The following PHF14 variants were observed in gnomAD, a reference collection of about 807,000 sequenced individuals.
PHF14 encodes the protein PHD finger protein 14.
PHF14 carries 55 observed loss-of-function variants against 117.9 expected under a neutral mutation model. The ratio of observed to expected loss-of-function variants is 0.47; its 90% CI spans 0.38 to 0.58. The LOEUF is 0.58. Ranked by LOEUF, PHF14 falls within the 20% of genes least tolerant of loss-of-function variation. The probability of loss-of-function intolerance (pLI) is 0.00; values close to 1 mark genes in which losing one functional copy is unlikely to be tolerated. For missense variants in PHF14, 978 were observed against 1,122.2 expected, an observed-to-expected ratio of 0.87 and a Z score of 1.84; for synonymous variants, 409 against 368.6, an observed-to-expected ratio of 1.11 and a Z score of -1.26.
chr7:11,052,263 T>C (rs562336861), intron 14 of PHF14, among the ~76,000 whole-genome samples: 2 of 152,366 alleles, frequency 1.3e-5, no homozygotes, highest in South Asian at 4.1e-4. Context: ...TAATTTGATA[T>C]TTTGACCAAA....
chr7:11,017,696 C>G (rs1244494419), intron 5 of PHF14, among the ~76,000 whole-genome samples: 1 of 152,154 alleles, frequency 6.6e-6, no homozygotes, highest in East Asian at 1.9e-4. Context: ...TTCTCCCATT[C>G]TGTGGGTTGT....
At chr7:11,128,688 GTCTC>G (rs201345870) in intron 17 of PHF14, among the ~76,000 whole-genome samples, 1 of 151,098 alleles carries the variant, frequency 6.6e-6, no homozygotes, top group African/African-American at 2.4e-5. Flanking sequence ...ATGTAAATCA[GTCTC>G]TCTCTCTCCC....
At chr7:11,048,562 A>C (rs993583395) in intron 13 of PHF14, among the ~76,000 whole-genome samples, 1 of 152,266 alleles carries the variant, frequency 6.6e-6, no homozygotes, top group Middle Eastern at 3.4e-3. Flanking sequence ...ATAGTGCAAG[A>C]CTCTGTCTGA....
At chr7:11,062,922 T>G (rs896634053) in intron 16 of PHF14, 72 of 981,388 alleles carry the variant, frequency 7.3e-5, no homozygotes, top group Non-Finnish European at 7.7e-5. Flanking sequence ...AAAAATTGTC[T>G]TCTGGTAAAG....
chr7:11,046,039 A>G (rs1419311642), intron 13 of PHF14, among the ~76,000 whole-genome samples: 3 of 152,184 alleles, frequency 2.0e-5, no homozygotes, highest in Non-Finnish European at 4.4e-5. Flanking sequence ...AGTAAAGAAT[A>G]TTATTAATAG....
At chr7:11,152,664 A>T (rs1788734207) in intron 17 of PHF14, among the ~76,000 whole-genome samples, 1 of 122,132 alleles carries the variant, frequency 8.2e-6, no homozygotes, top group Non-Finnish European at 1.7e-5. Flanking sequence ...AGAAAAACAG[A>T]AAATCTGCTG....
chr7:11,001,767 G>A (rs1389890839), intron 4 of PHF14, among the ~76,000 whole-genome samples: 1 of 152,000 alleles, frequency 6.6e-6, no homozygotes, highest in African/African-American at 2.4e-5. Context: ...GAAATTTTTG[G>A]CTACTCTTCC....
intron 16 of PHF14, among the ~76,000 whole-genome samples, chr7:11,075,141 G>A (rs1785783653): frequency 1.3e-5 from 2 of 151,902 alleles, no homozygotes; most frequent in Non-Finnish European, 1.5e-5. Context: ...GTTTCACCGT[G>A]TTGCCCAGGC....
chr7:11,093,458 C>T (rs952709455), intron 16 of PHF14, among the ~76,000 whole-genome samples: 14 of 152,248 alleles, frequency 9.2e-5, no homozygotes, highest in African/African-American at 3.1e-4. Context: ...CTCAGTGTAC[C>T]ACAAGGCTTC....
chr7:10,982,513 C>T lies in PHF14; in HGVS notation c.254C>T (p.Ala85Val), dbSNP rs1782075388. Residue 85 changes from alanine to valine, a missense_variant, in exon 3 of 18, where the codon GCA (alanine) becomes GTA (valine). Ala to Val is a moderately conservative substitution (Grantham distance 64). Coordinates refer to ENST00000634607, the MANE Select transcript of PHF14 (RefSeq NM_001007157.2). ...KVKEEQLKNS[A>V]EEEVLSSEKQ... ...AAAGAAGAACAACTTAAAAATTCTG[C>T]AGAGGAAGAAGTACTATCATCAGAA... 6.5e-7 allele frequency: 1 copy of T among 1,544,352 alleles called. No individual in the cohort carries two copies. The highest frequency in any genetic ancestry group is 1.2e-5 in the South Asian group (1 of 84,234).
At chr7:11,038,900 A>G (rs765457635) in intron 11 of PHF14, 45 bp downstream of exon 11, 36 of 886,232 alleles carry the variant, frequency 4.1e-5, no homozygotes, top group South Asian at 1.1e-4. Flanking sequence ...CTTGCTCCCT[A>G]TATGATTTTC....
At chr7:11,157,095 A>G (rs1007557121) in intron 17 of PHF14, among the ~76,000 whole-genome samples, 1 of 152,152 alleles carries the variant, frequency 6.6e-6, no homozygotes, top group African/African-American at 2.4e-5. Context: ...TCTCCATTGC[A>G]TTGTGATTAT....
chr7:11,001,019 T>C (rs1443309381), intron 4 of PHF14, among the ~76,000 whole-genome samples: 2 of 151,974 alleles, frequency 1.3e-5, no homozygotes, highest in African/African-American at 4.8e-5. Context: ...ATTAAAAATT[T>C]AAAAATTTTT....
At chr7:11,107,654 C>G in intron 16 of PHF14, 1 of 663,366 alleles carries the variant, frequency 1.5e-6, no homozygotes, top group Non-Finnish European at 1.9e-6. Flanking sequence ...TAAGACATTG[C>G]CTTCCTATTT....
At chr7:11,013,091 A>G (rs1783407871) in intron 4 of PHF14, among the ~76,000 whole-genome samples, 1 of 152,134 alleles carries the variant, frequency 6.6e-6, no homozygotes, top group African/African-American at 2.4e-5. Flanking sequence ...CTACAAAGGG[A>G]CCTCAGTAAG....
At chr7:11,038,361 G>T (rs998073851) in intron 10 of PHF14, among the ~76,000 whole-genome samples, 1 of 151,330 alleles carries the variant, frequency 6.6e-6, no homozygotes, top group Non-Finnish European at 1.5e-5. Context: ...AACCCAGGAG[G>T]TGGTGGTTGC....
chr7:11,006,911 A>G (rs759332522), intron 4 of PHF14: 29 of 491,624 alleles, frequency 5.9e-5, no homozygotes, highest in Non-Finnish European at 1.1e-4. Flanking sequence ...GCGGTGGCTC[A>G]CACCTTTAAT....
At chr7:11,144,492 AC>A (rs1020677553) in intron 17 of PHF14, among the ~76,000 whole-genome samples, 1 of 150,856 alleles carries the variant, frequency 6.6e-6, no homozygotes, top group Non-Finnish European at 1.5e-5. Context: ...AGATACCTAC[AC>A]CCCCATGCTT....
intron 17 of PHF14, among the ~76,000 whole-genome samples, chr7:11,133,674 G>A (rs1747158612): frequency 6.6e-6 from 1 of 151,868 alleles, no homozygotes; most frequent in Admixed American, 6.6e-5. Context: ...ATGCAATATG[G>A]AGTTTAGGGC....
Sources: gnomAD v4.1 joint callset for allele counts (sites outside exome capture counted in the v4.1 genomes callset) on GRCh38, gnomAD v4.1.1 for gene constraint, MANE v1.5 for transcripts, NCBI Gene and HGNC (gene_info 2026-07-23, HGNC 2026-07-21) for gene names.